Variants in SP3 observed in about 807,000 individuals in gnomAD.
SP3 encodes the protein transcription factor Sp3.
A neutral mutation model predicts 70.3 loss-of-function variants in SP3; 10 were observed. That is an observed-to-expected ratio of 0.14 (90% confidence interval 0.09 to 0.24). The LOEUF is 0.24. Ranked by LOEUF, SP3 falls within the 10% of genes least tolerant of loss-of-function variation. The pLI, the probability that SP3 is intolerant of heterozygous loss-of-function variation, is 1.00. For synonymous variants in SP3, 402 were observed against 333.5 expected (o/e 1.21, Z -2.24); for missense variants, 825 against 914.6 (o/e 0.90, Z 1.26).
chr2:173,951,082 G>T (rs1190576005), intron 4 of SP3, among the ~76,000 whole-genome samples: 2 of 152,102 alleles, frequency 1.3e-5, no homozygotes, highest in Admixed American at 6.6e-5. Flanking sequence ...CATTTGAAAA[G>T]AAATTACTTT....
At chr2:173,945,412 CCTCAA>C (rs947791627) in intron 4 of SP3, among the ~76,000 whole-genome samples, 1 of 152,056 alleles carries the variant, frequency 6.6e-6, no homozygotes, top group African/African-American at 2.4e-5. Flanking sequence ...CTTATGTATA[CCTCAA>C]CTCAACATGA....
At chr2:173,962,005 T>C (rs1419451129) in intron 3 of SP3, among the ~76,000 whole-genome samples, 14 of 150,808 alleles carry the variant, frequency 9.3e-5, no homozygotes, top group Non-Finnish European at 5.9e-5. Context: ...AATTATGATG[T>C]ATTTGATTGA....
intron 4 of SP3, among the ~76,000 whole-genome samples, chr2:173,946,057 G>C (rs573551017): frequency 2.6e-5 from 4 of 152,138 alleles, no homozygotes; most frequent in African/African-American, 9.7e-5. Context: ...AACCCAGGAG[G>C]TGGAGGGTGC....
chr2:173,912,811 T>C (rs1689524893), intron 6 of SP3, among the ~76,000 whole-genome samples: 1 of 152,138 alleles, frequency 6.6e-6, no homozygotes, highest in Non-Finnish European at 1.5e-5. Flanking sequence ...AGTATAAATG[T>C]GGTTTAAAGC....
intron 4 of SP3, among the ~76,000 whole-genome samples, chr2:173,954,484 T>C (rs1267886639): frequency 6.6e-6 from 1 of 152,200 alleles, no homozygotes; most frequent in Non-Finnish European, 1.5e-5. Flanking sequence ...GTTTTCACTA[T>C]ACCAACCTGA....
rs191706126 is a variant in SP3, at chr2:173,905,913, T to C, written c.*4028A>G. On this transcript the variant is annotated 3_prime_UTR_variant, in exon 7 of 7. Transcript: ENST00000310015. ...ACTTAAGAGGCCGAAGTGGGGAGGA[T>C]TGCTTGAGACCAGTAAGTGGAGTCT... Among the ~76,000 whole-genome samples, 1 of 152,230 alleles carries C rather than the reference T, an allele frequency of 6.6e-6. No homozygotes were observed. The highest frequency in any genetic ancestry group is 6.5e-5 in the Admixed American group (1 of 15,288).
intron 4 of SP3, among the ~76,000 whole-genome samples, chr2:173,926,536 C>T (rs1468334056): frequency 6.6e-6 from 1 of 152,146 alleles, no homozygotes; most frequent in African/African-American, 2.4e-5. Flanking sequence ...CGGTGGCTCA[C>T]GCCTGTAATC....
chr2:173,945,944 G>A (rs1690522821), intron 4 of SP3, among the ~76,000 whole-genome samples: 1 of 152,048 alleles, frequency 6.6e-6, no homozygotes, highest in Non-Finnish European at 1.5e-5. Flanking sequence ...TGGCCAACGT[G>A]GTGAAATCCC....
chr2:173,964,961 G>C (rs1380795249), intron 1 of SP3: 1 of 627,648 alleles, frequency 1.6e-6, no homozygotes, highest in Non-Finnish European at 2.6e-6. Flanking sequence ...GCCTGGCGGG[G>C]AGACGGCGTT....
intron 4 of SP3, among the ~76,000 whole-genome samples, chr2:173,926,068 G>C (rs1305445360): frequency 1.3e-5 from 2 of 152,120 alleles, no homozygotes; most frequent in Non-Finnish European, 1.5e-5. Context: ...TATGAATAAG[G>C]TTAAGTATTC....
intron 1 of SP3, 63 bp downstream of exon 1, chr2:173,965,102 G>A: frequency 6.5e-7 from 1 of 1,543,728 alleles, no homozygotes; most frequent in Non-Finnish European, 8.7e-7. Flanking sequence ...CCCCGGGCTG[G>A]CTGTGGTCGG....
At chr2:173,958,550 TATTAA>T (rs1271158815) in intron 3 of SP3, among the ~76,000 whole-genome samples, 1 of 150,074 alleles carries the variant, frequency 6.7e-6, no homozygotes, top group East Asian at 1.9e-4. Flanking sequence ...TGAAAAGCAT[TATTAA>T]AATACCTGTG....
chr2:173,910,348 G>T, intron 6 of SP3, 91 bp from the exon 7 acceptor site: 1 of 1,048,722 alleles, frequency 9.5e-7, no homozygotes, highest in Non-Finnish European at 1.4e-6. Flanking sequence ...AGTCAACGCT[G>T]ACAGGTGAGG....
At chr2:173,929,673 T>A (rs1466717759) in intron 4 of SP3, among the ~76,000 whole-genome samples, 1 of 152,226 alleles carries the variant, frequency 6.6e-6, no homozygotes, top group African/African-American at 2.4e-5. Context: ...TTTCTAAGTC[T>A]GCTGTTCTCT....
chr2:173,932,211 A>G (rs1329131814), intron 4 of SP3, among the ~76,000 whole-genome samples: 1 of 152,090 alleles, frequency 6.6e-6, no homozygotes, highest in African/African-American at 2.4e-5. Flanking sequence ...CTTTTTCTTG[A>G]GACAGAGTTT....
intron 4 of SP3, among the ~76,000 whole-genome samples, chr2:173,946,263 G>A (rs1195948337): frequency 1.3e-5 from 2 of 151,930 alleles, no homozygotes; most frequent in Non-Finnish European, 2.9e-5. Context: ...ATTATATATT[G>A]TTTTTGTGTA....
chr2:173,918,564 A>C, intron 5 of SP3, 29 bp downstream of exon 5: 1 of 1,594,568 alleles, frequency 6.3e-7, no homozygotes, highest in Non-Finnish European at 8.5e-7. Context: ...GCACTCTTAA[A>C]AATATATATG....
chr2:173,950,393 T>G (rs1690677309), intron 4 of SP3, among the ~76,000 whole-genome samples: 1 of 151,772 alleles, frequency 6.6e-6, no homozygotes. Context: ...AAAAGTAAAG[T>G]GCAGGCTAGG....
chr2:173,921,862 A>T (rs1427199914), intron 4 of SP3, among the ~76,000 whole-genome samples: 1 of 152,146 alleles, frequency 6.6e-6, no homozygotes, highest in African/African-American at 2.4e-5. Flanking sequence ...TCCTTGCAAT[A>T]GTTAAGAGAT....
Sources: gnomAD v4.1 joint callset for allele counts (sites outside exome capture counted in the v4.1 genomes callset) on GRCh38, gnomAD v4.1.1 for gene constraint, MANE v1.5 for transcripts, NCBI Gene and HGNC (gene_info 2026-07-23, HGNC 2026-07-21) for gene names.